Variants in SGCZ observed in about 807,000 individuals in gnomAD.
SGCZ encodes sarcoglycan zeta.
A neutral mutation model predicts 41.3 loss-of-function variants in SGCZ; 40 were observed. The observed-to-expected ratio is 0.97, with a 90% CI of 0.75 to 1.26. SGCZ has a LOEUF of 1.26. Ranked by LOEUF, SGCZ falls within the 50% of genes most tolerant of loss-of-function variation. SGCZ has a pLI of 0.00. For synonymous variants in SGCZ, 206 were observed against 137.5 expected, an observed-to-expected ratio of 1.50 and a Z score of -3.49; for missense variants, 552 against 369.8, an observed-to-expected ratio of 1.49 and a Z score of -4.04.
intron 2 of SGCZ, among the ~76,000 whole-genome samples, chr8:14,327,579 G>C (rs1381334087): frequency 6.6e-6 from 1 of 152,136 alleles, no homozygotes; most frequent in Non-Finnish European, 1.5e-5. Context: ...GTTCTGATGA[G>C]ATGGCTGGAA....
chr8:15,157,302 G>A (rs1799360564), intron 1 of SGCZ, among the ~76,000 whole-genome samples: 2 of 151,984 alleles, frequency 1.3e-5, no homozygotes, highest in South Asian at 2.1e-4. Flanking sequence ...GGAGCCTGAG[G>A]CAGGAGGAAC....
rs1802018808 is a variant in SGCZ at position 14,324,216 on chromosome 8, G to A, written c.235-12C>T. 2 of 1,584,200 alleles carry A rather than the reference G, an allele frequency of 1.3e-6. No individual in the cohort carries two copies. The highest frequency in any genetic ancestry group is 1.7e-6 in the Non-Finnish European group (2 of 1,153,812). ...TTTCCCATACCATCCTACAAGCAAT[G>A]AAATATAGTTCACTTTTAGGTTAAT... On this transcript the variant is annotated splice_polypyrimidine_tract_variant and intron_variant, in intron 2 of 7. Transcript: ENST00000382080.
chr8:14,773,530 C>A (rs1371234849), intron 1 of SGCZ, among the ~76,000 whole-genome samples: 8 of 152,190 alleles, frequency 5.3e-5, no homozygotes, highest in Admixed American at 2.6e-4. Context: ...TACTTTCTCC[C>A]ATTCTGGGGA....
At chr8:14,473,641 A>G (rs1043667684) in intron 2 of SGCZ, among the ~76,000 whole-genome samples, 1 of 152,146 alleles carries the variant, frequency 6.6e-6, no homozygotes, top group Admixed American at 6.6e-5. Flanking sequence ...CAACAGAAGT[A>G]AAAAATGAAA....
chr8:14,248,868 T>C (rs1272862536), intron 3 of SGCZ, among the ~76,000 whole-genome samples: 2 of 152,122 alleles, frequency 1.3e-5, no homozygotes, highest in Non-Finnish European at 2.9e-5. Context: ...TTAATTTCTA[T>C]AGAAACAGAT....
chr8:14,587,374 TAA>T (rs200503901), intron 1 of SGCZ, among the ~76,000 whole-genome samples: 31,872 of 138,300 alleles, frequency 0.23, 4,043 homozygotes, highest in Non-Finnish European at 0.31. Context: ...CATTTGGAGC[TAA>T]AAAAAAAAAA....
At chr8:14,509,441 C>T (rs530920344) in intron 2 of SGCZ, among the ~76,000 whole-genome samples, 1 of 152,096 alleles carries the variant, frequency 6.6e-6, no homozygotes, top group Non-Finnish European at 1.5e-5. Context: ...GGATATGATT[C>T]TTACTTTTGC....
chr8:14,932,034 C>G (rs959920319), intron 1 of SGCZ, among the ~76,000 whole-genome samples: 3 of 151,696 alleles, frequency 2.0e-5, no homozygotes, highest in East Asian at 1.9e-4. Context: ...TAAAGTATGT[C>G]CATTTTTTCA....
intron 1 of SGCZ, among the ~76,000 whole-genome samples, chr8:14,593,083 C>T (rs1416582552): frequency 6.6e-6 from 1 of 152,066 alleles, no homozygotes; most frequent in Admixed American, 6.6e-5. Context: ...AATAATGCAC[C>T]TCCTCACCCC....
rs927597196 is a variant in SGCZ at position 14,239,560 on chromosome 8, G to A, written c.337-1881C>T. Among the ~76,000 whole-genome samples, 4 of 152,114 alleles carry A rather than the reference G, an allele frequency of 2.6e-5. No homozygotes were observed. The South Asian group carries it at 6.2e-4, about 24-fold the overall frequency. On this transcript the variant is annotated intron_variant, in intron 3 of 7. Coordinates refer to ENST00000382080, the MANE Select transcript of SGCZ (RefSeq NM_139167.4). Reference sequence around the variant, plus strand: ...GACATATTAAACATAAGCTTCTTATGTCAACAATAGAGTAAAACACCATAA... The same window carrying A: ...GACATATTAAACATAAGCTTCTTATATCAACAATAGAGTAAAACACCATAA...
At chr8:14,841,855 G>C (rs907152322) in intron 1 of SGCZ, among the ~76,000 whole-genome samples, 2 of 152,136 alleles carry the variant, frequency 1.3e-5, no homozygotes. Context: ...ACATCAAACT[G>C]TTAATGAATG....
At chr8:14,852,550 C>A (rs1803368795) in intron 1 of SGCZ, among the ~76,000 whole-genome samples, 1 of 152,092 alleles carries the variant, frequency 6.6e-6, no homozygotes, top group African/African-American at 2.4e-5. Context: ...TAACAAACAC[C>A]CTACCAACAA....
intron 1 of SGCZ, among the ~76,000 whole-genome samples, chr8:14,568,025 G>A (rs1323269819): frequency 2.6e-5 from 4 of 152,132 alleles, no homozygotes; most frequent in African/African-American, 9.7e-5. Context: ...ACCAATTCTG[G>A]ACACAATATG....
intron 1 of SGCZ, among the ~76,000 whole-genome samples, chr8:15,054,699 A>G (rs1804640729): frequency 6.6e-6 from 1 of 152,128 alleles, no homozygotes; most frequent in East Asian, 1.9e-4. Flanking sequence ...TCACACCTGC[A>G]ATCCCAGCAC....
intron 1 of SGCZ, among the ~76,000 whole-genome samples, chr8:14,928,052 C>T (rs1193735167): frequency 6.6e-6 from 1 of 152,144 alleles, no homozygotes; most frequent in Non-Finnish European, 1.5e-5. Context: ...GAGGCCTCTG[C>T]CTTTATGAAA....
In SGCZ at chr8:15,082,228, CA is replaced by C. The variant is rs964013909; in HGVS notation, c.39+155356del. Among the ~76,000 whole-genome samples the C allele has an allele frequency of 3.2e-4, 47 of 147,468 alleles. 1 individual carries two copies. Among genetic ancestry groups the C allele is most frequent in the African/African-American group, 1.1e-3 (43 of 40,096 alleles). On this transcript the variant is annotated intron_variant, in intron 1 of 7. Transcript: ENST00000382080. ...TGGGCAACATAGCGAGACTCTGTCT[CA>C]AAAAAAAATAAATAAATAAAAATAA...
intron 2 of SGCZ, among the ~76,000 whole-genome samples, chr8:14,451,682 A>T (rs908292709): frequency 6.6e-6 from 1 of 152,222 alleles, no homozygotes; most frequent in Non-Finnish European, 1.5e-5. Context: ...AATGGGCAAA[A>T]GGTCTTAATA....
chr8:14,603,810 C>G (rs1423625986), intron 1 of SGCZ, among the ~76,000 whole-genome samples: 1 of 152,076 alleles, frequency 6.6e-6, no homozygotes, highest in Non-Finnish European at 1.5e-5. Context: ...GAGATCGGGA[C>G]CCTTGTCCTG....
intron 1 of SGCZ, among the ~76,000 whole-genome samples, chr8:15,028,252 C>G (rs1803525533): frequency 6.6e-6 from 1 of 152,156 alleles, no homozygotes; most frequent in Non-Finnish European, 1.5e-5. Context: ...CAGACTATAG[C>G]AATTCCGTAG....
Sources: gnomAD v4.1 joint callset for allele counts (sites outside exome capture counted in the v4.1 genomes callset) on GRCh38, gnomAD v4.1.1 for gene constraint, MANE v1.5 for transcripts, NCBI Gene and HGNC (gene_info 2026-07-23, HGNC 2026-07-21) for gene names.